Variants in MTHFD2L observed in about 807,000 individuals in gnomAD.
MTHFD2L encodes methylenetetrahydrofolate dehydrogenase (NADP+ dependent) 2 like.
MTHFD2L carries 29 observed loss-of-function variants against 34.9 expected under a neutral mutation model. The ratio of observed to expected loss-of-function variants is 0.83; its 90% CI spans 0.62 to 1.13. The LOEUF (loss-of-function observed/expected upper bound fraction) is 1.13. Ranked by LOEUF, MTHFD2L falls within the 50% of genes most tolerant of loss-of-function variation. The pLI is 0.00. For synonymous variants in MTHFD2L, 167 were observed against 155.7 expected, an observed-to-expected ratio of 1.07 and a Z score of -0.54; for missense variants, 481 against 446.5, an observed-to-expected ratio of 1.08 and a Z score of -0.70.
chr4:74,141,518 C>T (rs1048352460), intron 1 of MTHFD2L, among the ~76,000 whole-genome samples: 19 of 152,254 alleles, frequency 1.2e-4, no homozygotes, highest in Admixed American at 6.5e-4. Flanking sequence ...TCTTGTTTCT[C>T]GCTTTGATTA....
At chr4:74,159,066 A>T (rs188319138) in intron 1 of MTHFD2L, among the ~76,000 whole-genome samples, 1 of 152,240 alleles carries the variant, frequency 6.6e-6, no homozygotes, top group East Asian at 1.9e-4. Flanking sequence ...GTCTCACTCG[A>T]GTTTTTGTAT....
chr4:74,275,928 C>T (rs1221906032), intron 6 of MTHFD2L, among the ~76,000 whole-genome samples: 1 of 152,114 alleles, frequency 6.6e-6, no homozygotes, highest in Non-Finnish European at 1.5e-5. Flanking sequence ...GTTTCTTTTG[C>T]TGTGCAGAAG....
At chr4:74,183,891 T>C (rs1471361662) in intron 3 of MTHFD2L, 1 of 152,158 alleles carries the variant, frequency 6.6e-6, no homozygotes, top group African/African-American at 2.4e-5. Flanking sequence ...GTTTGTGGTT[T>C]GTAACATACA....
intron 6 of MTHFD2L, among the ~76,000 whole-genome samples, chr4:74,250,435 A>G (rs1460016356): frequency 6.6e-6 from 1 of 152,100 alleles, no homozygotes; most frequent in East Asian, 1.9e-4. Flanking sequence ...GTTACTGGCC[A>G]TCTTCCCTGT....
intron 1 of MTHFD2L, among the ~76,000 whole-genome samples, chr4:74,132,732 TATA>T (rs1240558938): frequency 6.6e-6 from 1 of 152,116 alleles, no homozygotes; most frequent in African/African-American, 2.4e-5. Context: ...GAACTTAAAG[TATA>T]ATAATAATGA....
chr4:74,187,800 T>TACACACACAC (rs61173269), intron 3 of MTHFD2L, among the ~76,000 whole-genome samples: 2,791 of 144,270 alleles, frequency 0.019, 106 homozygotes, highest in African/African-American at 0.065. Context: ...CCTGTGTATT[T>TACACACACAC]ACACACACAC....
At chr4:74,270,027 G>A (rs147249241) in intron 6 of MTHFD2L, among the ~76,000 whole-genome samples, 4 of 152,108 alleles carry the variant, frequency 2.6e-5, no homozygotes, top group African/African-American at 9.6e-5. Flanking sequence ...TTCTATTTAC[G>A]GACCTAAGGT....
At chr4:74,212,894 A>G (rs1356828298) in intron 5 of MTHFD2L, among the ~76,000 whole-genome samples, 1 of 152,116 alleles carries the variant, frequency 6.6e-6, no homozygotes, top group African/African-American at 2.4e-5. Flanking sequence ...GGGTGCATAT[A>G]TATTTAGGAT....
intron 6 of MTHFD2L, among the ~76,000 whole-genome samples, chr4:74,251,742 CTAT>C (rs1235608304): frequency 1.3e-5 from 2 of 152,172 alleles, no homozygotes; most frequent in Non-Finnish European, 2.9e-5. Flanking sequence ...GTGCCATATT[CTAT>C]TATAGCTATC....
At chr4:74,259,727 C>G (rs1744450532) in intron 6 of MTHFD2L, among the ~76,000 whole-genome samples, 1 of 152,118 alleles carries the variant, frequency 6.6e-6, no homozygotes. Context: ...CATAGATCAG[C>G]TATATGTTTA....
chr4:74,131,789 A>AAC (rs1302714966), intron 1 of MTHFD2L, among the ~76,000 whole-genome samples: 1 of 152,244 alleles, frequency 6.6e-6, no homozygotes, highest in Non-Finnish European at 1.5e-5. Context: ...CATCAGAGTG[A>AAC]ACAGGCAACC....
At chr4:74,201,501 C>T in intron 5 of MTHFD2L, 131 bp downstream of exon 5, 1 of 498,504 alleles carries the variant, frequency 2.0e-6, no homozygotes, top group South Asian at 5.4e-5. Context: ...CTTTATTCCT[C>T]ATTTAGTGAT....
intron 6 of MTHFD2L, among the ~76,000 whole-genome samples, chr4:74,228,735 A>G (rs889510068): frequency 3.9e-5 from 6 of 152,238 alleles, no homozygotes; most frequent in African/African-American, 9.6e-5. Context: ...AAGACAGGAA[A>G]AGAAAAAGAA....
At chr4:74,266,801 G>A in intron 6 of MTHFD2L, 1 of 964,556 alleles carries the variant, frequency 1.0e-6, no homozygotes, top group Non-Finnish European at 1.2e-6. Context: ...GCTGCTGCTA[G>A]AATGCTTAAA....
chr4:74,211,265 T>G (rs1736268718), intron 5 of MTHFD2L, among the ~76,000 whole-genome samples: 1 of 152,198 alleles, frequency 6.6e-6, no homozygotes, highest in South Asian at 2.1e-4. Context: ...TTGTGCTGGT[T>G]TTCAAAGGGA....
At chr4:74,280,576 C>G (rs923599141) in intron 6 of MTHFD2L, 2 of 151,744 alleles carry the variant, frequency 1.3e-5, no homozygotes, top group African/African-American at 4.8e-5. Context: ...AACCATAAGA[C>G]ATAATAATAA....
chr4:74,124,424 G>A (rs182316638), upstream of MTHFD2L, among the ~76,000 whole-genome samples: 8 of 151,528 alleles, frequency 5.3e-5, no homozygotes, highest in Admixed American at 5.3e-4. Context: ...AAATCAAATA[G>A]AAGAATGGCC....
intron 6 of MTHFD2L, among the ~76,000 whole-genome samples, chr4:74,269,499 T>C (rs535553278): frequency 1.3e-5 from 2 of 151,962 alleles, no homozygotes; most frequent in Non-Finnish European, 2.9e-5. Flanking sequence ...AGGAAATGTT[T>C]CTATAAAATC....
At chr4:74,178,534 C>T (rs925536477) in intron 3 of MTHFD2L, among the ~76,000 whole-genome samples, 14 of 151,808 alleles carry the variant, frequency 9.2e-5, no homozygotes, top group Admixed American at 2.6e-4. Context: ...TACTAAATTG[C>T]CTGAGTCCTG....
Sources: gnomAD v4.1 joint callset for allele counts (sites outside exome capture counted in the v4.1 genomes callset) on GRCh38, gnomAD v4.1.1 for gene constraint, MANE v1.5 for transcripts, NCBI Gene and HGNC (gene_info 2026-07-23, HGNC 2026-07-21) for gene names.